CMTM3: variants seen among roughly 807,000 people sequenced by gnomAD.
CMTM3 encodes the protein CKLF-like MARVEL transmembrane domain-containing protein 3.
CMTM3 carries 7 observed loss-of-function variants against 18.2 expected under a neutral mutation model. The ratio of observed to expected loss-of-function variants is 0.38; its 90% CI spans 0.22 to 0.72. The LOEUF (loss-of-function observed/expected upper bound fraction) is 0.72, where lower values mean the gene tolerates loss of function less well. Ranked by LOEUF, CMTM3 falls within the 30% of genes least tolerant of loss-of-function variation. The pLI, the probability that CMTM3 is intolerant of heterozygous loss-of-function variation, is 0.46. For missense variants in CMTM3, 227 were observed against 249.2 expected, an observed-to-expected ratio of 0.91 and a Z score of 0.60; for synonymous variants, 109 against 111.2, an observed-to-expected ratio of 0.98 and a Z score of 0.12.
At chr16:66,607,021 G>C (rs1284039784) in intron 1 of CMTM3, among the ~76,000 whole-genome samples, 1 of 152,290 alleles carries the variant, frequency 6.6e-6, no homozygotes, top group Middle Eastern at 3.4e-3. Context: ...AACTCTATCT[G>C]GGGGGTCAGC....
chr16:66,607,575 G>A (rs1370678225), intron 1 of CMTM3, among the ~76,000 whole-genome samples: 1 of 152,204 alleles, frequency 6.6e-6, no homozygotes, highest in African/African-American at 2.4e-5. Flanking sequence ...ATATCATTAA[G>A]GTTCAAGGTT....
intron 4 of CMTM3, chr16:66,611,115 A>G (rs1479118071): frequency 2.6e-6 from 1 of 380,296 alleles, no homozygotes; most frequent in Non-Finnish European, 4.6e-6. Flanking sequence ...TCACATATGT[A>G]ACAATTATTT....
upstream of CMTM3, chr16:66,604,579 C>A (rs1007909017): frequency 3.3e-5 from 11 of 330,874 alleles, no homozygotes; most frequent in Admixed American, 4.1e-4. Flanking sequence ...AGGCCCCAGG[C>A]CGGGGAGGGG....
chr16:66,604,572 C>T, upstream of CMTM3: 1 of 329,494 alleles, frequency 3.0e-6, no homozygotes, highest in Non-Finnish European at 5.4e-6. Flanking sequence ...TCTGCGGAGG[C>T]CCCAGGCCGG....
At position 66,613,188 on chromosome 16, in the gene CMTM3, T is replaced by C. The variant is rs2015449243; in HGVS notation, c.*551T>C. On this transcript the variant is annotated 3_prime_UTR_variant, in exon 5 of 5. Transcript: ENST00000567572. ...TCTTCATTCTTGAAGCAGGGAGAAA[T>C]TGACCTTTGCCTTGTCGCCCAGGAA... is the stretch of plus-strand genomic sequence containing the variant. 7.1e-6 allele frequency: 5 copies of C among 699,512 alleles called. No homozygotes were observed. Among genetic ancestry groups the C allele is most frequent in the African/African-American group, 1.7e-5 (1 of 57,302 alleles). The allele number at this position is 699,512 out of a possible 1,614,324, so 43.3% of individuals were successfully genotyped here.
Position 66,608,509 on chromosome 16 carries a change from G to T in CMTM3, c.303+45G>T. On this transcript the variant is annotated intron_variant, in intron 2 of 4. Transcript: ENST00000567572. This position sits in a 1 kb window ranked among gnomAD's most constrained non-coding sequence, Gnocchi z 5.1. Reference sequence around the variant, plus strand: ...GAGGGAGGGGTGCCCTGCACAAAGTGGCCAGATGAGGAGTCCAGAGTCGTG... The same window carrying T: ...GAGGGAGGGGTGCCCTGCACAAAGTTGCCAGATGAGGAGTCCAGAGTCGTG... 6.3e-7 allele frequency: 1 copy of T among 1,597,860 alleles called. No homozygotes were observed.
Position 66,604,784 on chromosome 16 carries a change from C to T in CMTM3, c.-22C>T, listed in dbSNP as rs1025960721. The T allele has an allele frequency of 8.9e-6, 11 of 1,242,892 alleles. No individual in the cohort carries two copies. The highest frequency in any genetic ancestry group is 3.1e-5 in the African/African-American group (2 of 63,608). 77.0% of individuals were successfully genotyped at this position (1,242,892 alleles called of 1,614,324 possible). On this transcript the variant is annotated 5_prime_UTR_variant, in exon 1 of 5. Coordinates refer to ENST00000567572, the MANE Select transcript of CMTM3 (RefSeq NM_181553.4). ...AGAAGAGGGGAGCCAGGCCGAGCCC[C>T]GGCCCTACCGCCGCCGCCGCCATGT...
Position 66,608,698 on chromosome 16 carries a change from G to T in CMTM3, c.303+234G>T, listed in dbSNP as rs755508408. 6.6e-6 allele frequency among the ~76,000 whole-genome samples: 1 copy of T among 152,186 alleles called. No individual in the cohort carries two copies. The highest frequency in any genetic ancestry group is 1.5e-5 in the Non-Finnish European group (1 of 68,040). On this transcript the variant is annotated intron_variant, in intron 2 of 4. Coordinates refer to ENST00000567572, the MANE Select transcript of CMTM3 (RefSeq NM_181553.4). This position sits in a 1 kb window ranked among gnomAD's most constrained non-coding sequence, Gnocchi z 5.1. ...GCAGGTCTGTGAGGCAGGGAACCCG[G>T]AGAGGGGTCTCTGGCCACCAGGTGG...
chr16:66,611,520 C>T (rs969866884), intron 4 of CMTM3, among the ~76,000 whole-genome samples: 1 of 152,142 alleles, frequency 6.6e-6, no homozygotes, highest in African/African-American at 2.4e-5. Flanking sequence ...GAGTGAGGGA[C>T]AGAGCTGGGG....
Position 66,605,079 on chromosome 16 carries a change from C to A in CMTM3, c.147+127C>A. 1.1e-6 allele frequency: 1 copy of A among 892,236 alleles called. No individual in the cohort carries two copies. The highest frequency in any genetic ancestry group is 1.5e-6 in the Non-Finnish European group (1 of 665,434). 55.3% of individuals were successfully genotyped at this position (892,236 alleles called of 1,614,324 possible). ...CCGATACCCCCTCTCCGCGCCGCCT[C>A]GGCCGACTTCTCTCGGGCGCCTGGC... On this transcript the variant is annotated intron_variant, in intron 1 of 4. Coordinates refer to ENST00000567572, the MANE Select transcript of CMTM3 (RefSeq NM_181553.4). This position sits in a 1 kb window ranked among gnomAD's most constrained non-coding sequence, Gnocchi z 4.6.
chr16:66,611,455 A>G (rs115935985), intron 4 of CMTM3, among the ~76,000 whole-genome samples: 79 of 151,602 alleles, frequency 5.2e-4, no homozygotes, highest in South Asian at 2.1e-4. Context: ...TCTCGGGGGG[A>G]AAAAATTGAA....
rs1019678698 is a variant in CMTM3, at chr16:66,610,724, A to T, written c.520+721A>T. The T allele has an allele frequency of 2.5e-6, 1 of 398,224 alleles. No individual in the cohort carries two copies. Among genetic ancestry groups the T allele is most frequent in the Non-Finnish European group, 4.4e-6 (1 of 226,192 alleles). The allele number at this position is 398,224 out of a possible 1,614,324, so 24.7% of individuals were successfully genotyped here. ...CAGGCGGATGTGCCCCTGTGCTGGC[A>T]GTGCCTGTGGCTGGACAGGTAGACA... On this transcript the variant is annotated intron_variant, in intron 4 of 4. Transcript: ENST00000567572. The surrounding 1 kb of genome is among the most constrained non-coding windows in gnomAD (Gnocchi z 4.6).
rs2015415279 is a variant in CMTM3, at chr16:66,612,460, T to C, written c.521-149T>C. 5.5e-6 allele frequency: 4 copies of C among 726,222 alleles called. No homozygotes were observed. In the East Asian group the frequency reaches 1.1e-4, roughly 20 times the overall value. The allele number at this position is 726,222 out of a possible 1,614,324, so 45.0% of individuals were successfully genotyped here. On this transcript the variant is annotated intron_variant, in intron 4 of 4. Transcript: ENST00000567572. This position sits in a 1 kb window ranked among gnomAD's most constrained non-coding sequence, Gnocchi z 6.0. ...GCCTCAGGCCCGCGGCCTGCCCTGA[T>C]GCCAGCGATCACTGGGAACGGTAGA...
chr16:66,609,927 C>T lies in CMTM3; in HGVS notation c.444C>T (p.Tyr148=), dbSNP rs1032857807. Residue 148 remains tyrosine (Y), a synonymous_variant, in exon 4 of 5, where the codon TAC becomes TAT. Transcript: ENST00000567572. The surrounding 1 kb of genome is among the most constrained non-coding windows in gnomAD (Gnocchi z 4.4). ...FATIVFATDF[Y]LIFNDVAKFL... is the part of the protein sequence containing the mutation. ...CCATCGTGTTTGCAACTGATTTCTACCTGATCTTTAACGACGTGGCCAAAT... is the reference window on the plus strand; with the variant it reads ...CCATCGTGTTTGCAACTGATTTCTATCTGATCTTTAACGACGTGGCCAAAT... The T allele has an allele frequency of 8.1e-6, 13 of 1,614,174 alleles. No homozygotes were observed. Among genetic ancestry groups the T allele is most frequent in the Non-Finnish European group, 1.0e-5 (12 of 1,180,024 alleles).
At position 66,613,225 on chromosome 16, in the gene CMTM3, C is replaced by T. The variant is rs1596891624; in HGVS notation, c.*588C>T. The T allele has an allele frequency of 1.5e-6, 1 of 683,386 alleles. No individual in the cohort carries two copies. The highest frequency in any genetic ancestry group is 1.5e-5 in the South Asian group (1 of 64,852). The allele number at this position is 683,386 out of a possible 1,614,324, so 42.3% of individuals were successfully genotyped here. A position where few individuals can be genotyped will look rare whatever the true frequency, so the allele number is the denominator to read the frequency against. On this transcript the variant is annotated 3_prime_UTR_variant, in exon 5 of 5. Coordinates refer to ENST00000567572, the MANE Select transcript of CMTM3 (RefSeq NM_181553.4). ...TTGTCGCCCAGGAAGTGGGGCTCGG[C>T]ACCCATAACTAACACCTCCCACCCT...
rs1397250402 is a variant in CMTM3, at chr16:66,609,078, C to T, written c.304-357C>T. 2.6e-5 allele frequency among the ~76,000 whole-genome samples: 4 copies of T among 152,210 alleles called. No homozygotes were observed. Among genetic ancestry groups the T allele is most frequent in the East Asian group, 1.9e-4 (1 of 5,202 alleles). On this transcript the variant is annotated intron_variant, in intron 2 of 4. Transcript: ENST00000567572. This position sits in a 1 kb window ranked among gnomAD's most constrained non-coding sequence, Gnocchi z 4.4. ...ATCGGCCACAAGAGTGTGACAAAGC[C>T]GAGGCCCAGAGCCAGATCTCCCCAA...
In CMTM3 at chr16:66,605,207, A is replaced by T; in HGVS notation, c.147+255A>T. ...GAGTCCAGAGCTGGGGGCCGTGGGA[A>T]GTGGGTGGGGCCCGGGGATGTGGGT... On this transcript the variant is annotated intron_variant, in intron 1 of 4. Transcript: ENST00000567572. This position sits in a 1 kb window ranked among gnomAD's most constrained non-coding sequence, Gnocchi z 4.6. 2 of 352,982 alleles carry T rather than the reference A, an allele frequency of 5.7e-6. No individual in the cohort carries two copies. The highest frequency in any genetic ancestry group is 5.1e-6 in the Non-Finnish European group (1 of 195,106). The allele number at this position is 352,982 out of a possible 1,614,324, so 21.9% of individuals were successfully genotyped here.
rs1052277877 is a variant in CMTM3 at position 66,612,223 on chromosome 16, T to A, written c.521-386T>A. Among the ~76,000 whole-genome samples the A allele has an allele frequency of 1.3e-5, 2 of 152,222 alleles. No individual in the cohort carries two copies. Among genetic ancestry groups the A allele is most frequent in the African/African-American group, 4.8e-5 (2 of 41,546 alleles). On this transcript the variant is annotated intron_variant, in intron 4 of 4. Coordinates refer to ENST00000567572, the MANE Select transcript of CMTM3 (RefSeq NM_181553.4). The surrounding 1 kb of genome is among the most constrained non-coding windows in gnomAD (Gnocchi z 6.0). ...TGAGGTCAGGAGTTCAAGACCAGCC[T>A]GGTGAAAGCCCATCTCTACTAAAAG... is the stretch of plus-strand genomic sequence containing the variant.
chr16:66,608,495 GC>G lies in CMTM3; in HGVS notation c.303+34del. The G allele has an allele frequency of 6.2e-7, 1 of 1,610,210 alleles. No homozygotes were observed. On this transcript the variant is annotated intron_variant, in intron 2 of 4. Transcript: ENST00000567572. This position sits in a 1 kb window ranked among gnomAD's most constrained non-coding sequence, Gnocchi z 5.1. ...GACAGGGGCCCCAGGAGGGAGGGGT[GC>G]CCTGCACAAAGTGGCCAGATGAGGA...
Sources: gnomAD v4.1 joint callset for allele counts (sites outside exome capture counted in the v4.1 genomes callset) on GRCh38, gnomAD v4.1.1 for gene constraint, Gnocchi (gnomAD v3.1) non-coding constraint, MANE v1.5 for transcripts, NCBI Gene and HGNC (gene_info 2026-07-23, HGNC 2026-07-21) for gene names.